ERC2: variants seen among roughly 807,000 people sequenced by gnomAD.
ERC2 encodes ELKS/RAB6-interacting/CAST family member 2.
In ERC2, 42 loss-of-function variants were observed where a neutral mutation model predicts 114.8. That is an observed-to-expected ratio of 0.37 (90% CI 0.29 to 0.47). The LOEUF (loss-of-function observed/expected upper bound fraction) is 0.47. Among genes scored for constraint, ERC2 ranks in the 20% least tolerant of loss-of-function variants. The pLI is 0.99. For missense variants in ERC2, 939 were observed against 1,150.7 expected (o/e 0.82, Z 2.66); for synonymous variants, 454 against 425.5 (o/e 1.07, Z -0.82).
chr3:55,701,672 T>TA (rs2063231097), intron 15 of ERC2, among the ~76,000 whole-genome samples: 2 of 152,184 alleles, frequency 1.3e-5, no homozygotes. Context: ...CTTGTCCACT[T>TA]AAAGTGTCAG....
intron 14 of ERC2, among the ~76,000 whole-genome samples, chr3:55,883,008 CTTAT>C (rs1407492257): frequency 6.6e-6 from 1 of 152,120 alleles, no homozygotes; most frequent in Non-Finnish European, 1.5e-5. Context: ...CATTTATTTG[CTTAT>C]TTGTTTATTC....
chr3:55,577,696 C>T (rs1267684168), intron 17 of ERC2, among the ~76,000 whole-genome samples: 1 of 152,146 alleles, frequency 6.6e-6, no homozygotes, highest in African/African-American at 2.4e-5. Flanking sequence ...ATACTCTAGG[C>T]CTTGGAGAGG....
intron 17 of ERC2, among the ~76,000 whole-genome samples, chr3:55,556,340 C>T (rs1306441521): frequency 1.3e-5 from 2 of 152,142 alleles, no homozygotes; most frequent in African/African-American, 4.8e-5. Context: ...TCTCAGTGCC[C>T]CACATGGAGT....
intron 12 of ERC2, among the ~76,000 whole-genome samples, chr3:55,979,948 C>CT (rs1365563396): frequency 5.6e-5 from 8 of 143,414 alleles, no homozygotes; most frequent in Non-Finnish European, 9.1e-5. Context: ...ATCTCTTCTT[C>CT]TTTTTTTTTC....
chr3:55,956,378 C>T (rs142883164), intron 12 of ERC2, among the ~76,000 whole-genome samples: 1 of 152,034 alleles, frequency 6.6e-6, no homozygotes, highest in Non-Finnish European at 1.5e-5. Flanking sequence ...CAGAAGCTGA[C>T]AATGCACATT....
chr3:55,710,911 G>T (rs2063745476), intron 15 of ERC2, among the ~76,000 whole-genome samples: 1 of 152,176 alleles, frequency 6.6e-6, no homozygotes, highest in Non-Finnish European at 1.5e-5. Flanking sequence ...GAGGGGGAAG[G>T]TTAGTTGCTG....
chr3:56,139,638 C>T lies in ERC2; in HGVS notation c.1344G>A (p.Ser448=), dbSNP rs374815779. The change falls in exon 6 of 18, where the codon TCG becomes TCA. Residue 448 remains serine, a synonymous_variant. Coordinates refer to ENST00000288221, the MANE Select transcript of ERC2 (RefSeq NM_015576.3). The part of the protein sequence containing the change: ...QLKQELSKKE[S]ELLALQTKLE... The stretch of plus-strand genomic sequence containing the variant: ...GCTTTGTTTGTAAGGCAAGAAGTTC[C>T]GACTCTTTCTTTGAAAGTTCCTGCT... 1.9e-5 allele frequency: 31 copies of T among 1,609,814 alleles called. No individual in the cohort carries two copies. Among genetic ancestry groups the T allele is most frequent in the Non-Finnish European group, 2.3e-5 (27 of 1,177,988 alleles).
intron 14 of ERC2, among the ~76,000 whole-genome samples, chr3:55,746,618 A>G (rs2066323809): frequency 6.6e-6 from 1 of 152,204 alleles, no homozygotes; most frequent in African/African-American, 2.4e-5. Context: ...GTTTTAATTC[A>G]TGAGAAGGGA....
intron 2 of ERC2, among the ~76,000 whole-genome samples, chr3:56,398,901 G>A (rs1427490686): frequency 1.3e-5 from 2 of 152,180 alleles, no homozygotes; most frequent in African/African-American, 4.8e-5. Context: ...TTATAGGCAT[G>A]AGCCACCATG....
intron 13 of ERC2, among the ~76,000 whole-genome samples, chr3:55,943,946 C>T (rs187005787): frequency 1.2e-3 from 190 of 152,260 alleles, no homozygotes; most frequent in African/African-American, 4.3e-3. Context: ...ACGTCTGCTT[C>T]TAGTTTTCAC....
At chr3:55,960,663 T>C (rs2068294249) in intron 12 of ERC2, among the ~76,000 whole-genome samples, 1 of 152,160 alleles carries the variant, frequency 6.6e-6, no homozygotes, top group South Asian at 2.1e-4. Flanking sequence ...TGGAGTGAAG[T>C]AATGAGTCCT....
intron 14 of ERC2, among the ~76,000 whole-genome samples, chr3:55,819,844 AG>A (rs1406204689): frequency 6.6e-6 from 1 of 152,212 alleles, no homozygotes; most frequent in Non-Finnish European, 1.5e-5. Flanking sequence ...CTTTTCAGAG[AG>A]GCTGGGGTCT....
At chr3:56,108,578 A>G (rs535906209) in intron 6 of ERC2, among the ~76,000 whole-genome samples, 5 of 152,192 alleles carry the variant, frequency 3.3e-5, no homozygotes, top group Non-Finnish European at 7.4e-5. Flanking sequence ...CTTAATAAGC[A>G]TCATAAAAAC....
intron 7 of ERC2, among the ~76,000 whole-genome samples, chr3:56,070,473 A>G (rs996368717): frequency 6.6e-6 from 1 of 152,174 alleles, no homozygotes; most frequent in Non-Finnish European, 1.5e-5. Flanking sequence ...TTTTTTAAAA[A>G]AAAAAAAATC....
At chr3:55,888,607 C>T (rs2063465291) in intron 13 of ERC2, 58 bp from the exon 14 acceptor site, 7 of 1,586,958 alleles carry the variant, frequency 4.4e-6, no homozygotes, top group East Asian at 4.5e-5. Flanking sequence ...ACAAGACATC[C>T]CTTGTTAGCC....
intron 14 of ERC2, among the ~76,000 whole-genome samples, chr3:55,766,528 G>A (rs1198119795): frequency 3.3e-5 from 5 of 152,082 alleles, no homozygotes; most frequent in African/African-American, 9.7e-5. Context: ...CAAGGAGACT[G>A]GGCAGGTTTG....
At chr3:55,914,621 T>C (rs1363984002) in intron 13 of ERC2, among the ~76,000 whole-genome samples, 1 of 152,202 alleles carries the variant, frequency 6.6e-6, no homozygotes, top group Non-Finnish European at 1.5e-5. Flanking sequence ...TGAACTCCCC[T>C]GATGCAAGTG....
At position 55,965,726 on chromosome 3, in the gene ERC2, C is replaced by T. The variant is rs139265826; in HGVS notation, c.2268-15166G>A. On this transcript the variant is annotated intron_variant, in intron 12 of 17. Coordinates refer to ENST00000288221, the MANE Select transcript of ERC2 (RefSeq NM_015576.3). ...GGTAATTTATGCATCCTTACACTTT[C>T]CCAAGTATTTATCCCCATGACAACA... is the stretch of plus-strand genomic sequence containing the variant. Among the ~76,000 whole-genome samples, 1,170 of 152,290 alleles carry T rather than the reference C, an allele frequency of 7.7e-3. 6 individuals carry two copies. Among genetic ancestry groups the T allele is most frequent in the Admixed American group, 0.018 (272 of 15,294 alleles).
intron 14 of ERC2, among the ~76,000 whole-genome samples, chr3:55,859,831 C>A (rs922050115): frequency 6.6e-6 from 1 of 151,848 alleles, no homozygotes; most frequent in Non-Finnish European, 1.5e-5. Flanking sequence ...GATGGAAGAT[C>A]TTTAGTACAG....
Sources: gnomAD v4.1 joint callset for allele counts (sites outside exome capture counted in the v4.1 genomes callset) on GRCh38, gnomAD v4.1.1 for gene constraint, MANE v1.5 for transcripts, NCBI Gene and HGNC (gene_info 2026-07-23, HGNC 2026-07-21) for gene names.